ITSN1: variants seen among roughly 807,000 people sequenced by gnomAD.
ITSN1 encodes intersectin 1.
Under a neutral mutation model 239.8 loss-of-function variants are expected in ITSN1, and 58 were observed. That is an observed-to-expected ratio of 0.24 (90% CI 0.20 to 0.30). The LOEUF (loss-of-function observed/expected upper bound fraction) is 0.30. ITSN1 is among the 10% of genes least tolerant of loss of function. The pLI is 1.00. For synonymous variants in ITSN1, 780 were observed against 770.8 expected (o/e 1.01, Z -0.20); for missense variants, 1,558 against 2,103.3 (o/e 0.74, Z 5.07).
chr21:33,817,934 C>T (rs1019341288), intron 22 of ITSN1: 47 of 345,204 alleles, frequency 1.4e-4, no homozygotes, highest in African/African-American at 9.0e-4. Context: ...TCCCGGGCAA[C>T]TTGAGAGTGA....
intron 1 of ITSN1, among the ~76,000 whole-genome samples, chr21:33,698,228 A>C (rs1246149834): frequency 2.0e-5 from 3 of 152,166 alleles, no homozygotes; most frequent in Non-Finnish European, 4.4e-5. Context: ...TAAAGGGACA[A>C]ATCGTCCGAA....
At chr21:33,658,126 T>C (rs2089247036) in intron 1 of ITSN1, among the ~76,000 whole-genome samples, 1 of 152,216 alleles carries the variant, frequency 6.6e-6, no homozygotes, top group Admixed American at 6.5e-5. Flanking sequence ...ATTCTTACAA[T>C]AAACTAGAGA....
At position 33,889,559 on chromosome 21, in the gene ITSN1, G is replaced by C. The variant is rs1215266719; in HGVS notation, c.*1259G>C. On this transcript the variant is annotated 3_prime_UTR_variant, in exon 40 of 40. Transcript: ENST00000381318. ...CCCTTAAATGCCAGGAGATCATCTG[G>C]TTAGTTAGATAGTAACTTGATTTGC... is the stretch of plus-strand genomic sequence containing the variant. 1 of 152,104 alleles carries C rather than the reference G, an allele frequency of 6.6e-6. No individual in the cohort carries two copies. The highest frequency in any genetic ancestry group is 1.5e-5 in the Non-Finnish European group (1 of 68,036). 9.4% of individuals were successfully genotyped at this position (152,104 alleles called of 1,614,324 possible).
At chr21:33,759,451 G>A (rs1040876273) in intron 8 of ITSN1, among the ~76,000 whole-genome samples, 7 of 152,168 alleles carry the variant, frequency 4.6e-5, no homozygotes, top group African/African-American at 1.7e-4. Context: ...ATGTGTAATA[G>A]ATAAAATATT....
At chr21:33,877,084 C>T (rs1262919315) in intron 34 of ITSN1, among the ~76,000 whole-genome samples, 3 of 21,956 alleles carry the variant, frequency 1.4e-4, no homozygotes, top group African/African-American at 9.4e-4. Context: ...AATGGAGTCT[C>T]GCTCTGTCAC....
At chr21:33,661,886 C>A (rs1321550694) in intron 1 of ITSN1, among the ~76,000 whole-genome samples, 7 of 151,830 alleles carry the variant, frequency 4.6e-5, no homozygotes, top group Admixed American at 1.3e-4. Flanking sequence ...AACTGTGAGT[C>A]CATTAAACCT....
intron 1 of ITSN1, among the ~76,000 whole-genome samples, chr21:33,668,240 G>A (rs2090046988): frequency 6.6e-6 from 1 of 152,156 alleles, no homozygotes; most frequent in South Asian, 2.1e-4. Flanking sequence ...GAGGGAGATG[G>A]TATTCAAAAG....
chr21:33,836,933 G>T (rs2074635038), intron 29 of ITSN1: 2 of 1,406,432 alleles, frequency 1.4e-6, no homozygotes, highest in Non-Finnish European at 2.0e-6. Flanking sequence ...TTCCTAGCTT[G>T]AATTTTGCTC....
chr21:33,714,628 CTA>C (rs2065035512), intron 1 of ITSN1, among the ~76,000 whole-genome samples: 1 of 198 alleles, frequency 5.1e-3, no homozygotes. Flanking sequence ...ATTATTATAT[CTA>C]TATCTATATC....
At chr21:33,836,760 G>A (rs977907827) in intron 29 of ITSN1, 128 bp downstream of exon 29, 10 of 826,044 alleles carry the variant, frequency 1.2e-5, no homozygotes, top group African/African-American at 5.2e-5. Context: ...ATTCGCAGTC[G>A]TCTCTTTGAA....
At chr21:33,668,244 T>G (rs2146339859) in intron 1 of ITSN1, among the ~76,000 whole-genome samples, 1 of 152,308 alleles carries the variant, frequency 6.6e-6, no homozygotes, top group East Asian at 1.9e-4. Flanking sequence ...GAGATGGTAT[T>G]CAAAAGATAA....
chr21:33,884,817 C>T (rs1010626079), intron 36 of ITSN1, among the ~76,000 whole-genome samples: 4 of 152,304 alleles, frequency 2.6e-5, no homozygotes, highest in Non-Finnish European at 4.4e-5. Flanking sequence ...GGGACATCAT[C>T]GCAGGTCTTG....
In ITSN1 at chr21:33,754,219, C is replaced by T. The variant is rs541542359; in HGVS notation, c.624-1078C>T. On this transcript the variant is annotated intron_variant, in intron 7 of 39. Transcript: ENST00000381318. ...CAGAAGTACCCACAGCAGAATAGAT[C>T]ATGGTAAGTGTTTTTTATTAAGAAA... 15 of 152,026 alleles carry T rather than the reference C, an allele frequency of 9.9e-5. No homozygotes were observed. In the East Asian group the frequency reaches 2.9e-3, roughly 29 times the overall value. The allele number at this position is 152,026 out of a possible 1,614,324, so 9.4% of individuals were successfully genotyped here. A position where few individuals can be genotyped will look rare whatever the true frequency, so the allele number is the denominator to read the frequency against.
intron 33 of ITSN1, among the ~76,000 whole-genome samples, chr21:33,873,754 C>T (rs1359095622): frequency 6.6e-6 from 1 of 152,096 alleles, no homozygotes; most frequent in Non-Finnish European, 1.5e-5. Flanking sequence ...CACCTGTTGT[C>T]CCAGCTACTC....
At position 33,868,756 on chromosome 21, in the gene ITSN1, G is replaced by A. The variant is rs953016888; in HGVS notation, c.4173+1425G>A. Among the ~76,000 whole-genome samples the A allele has an allele frequency of 2.0e-5, 3 of 152,134 alleles. No homozygotes were observed. In the South Asian group the frequency reaches 6.2e-4, roughly 32 times the overall value. ...GCTTCGGCCTTGGCCAGCCCAGAAG[G>A]GGGCTCCCAGAGTGCAGTGGTGGGC... On this transcript the variant is annotated intron_variant, in intron 33 of 39. Coordinates refer to ENST00000381318, the MANE Select transcript of ITSN1 (RefSeq NM_003024.3).
At chr21:33,717,605 G>C (rs2065228766) in intron 1 of ITSN1, among the ~76,000 whole-genome samples, 1 of 152,042 alleles carries the variant, frequency 6.6e-6, no homozygotes. Flanking sequence ...ACCCAGGCTG[G>C]AGTGCAGGGG....
At chr21:33,850,363 G>A (rs572263193) in intron 29 of ITSN1, among the ~76,000 whole-genome samples, 12 of 152,362 alleles carry the variant, frequency 7.9e-5, no homozygotes, top group Admixed American at 1.3e-4. Flanking sequence ...ACCCACGAGG[G>A]TCTCTGGTGC....
At chr21:33,724,498 A>G (rs775845534) in intron 4 of ITSN1, among the ~76,000 whole-genome samples, 14 of 152,230 alleles carry the variant, frequency 9.2e-5, no homozygotes, top group Non-Finnish European at 1.9e-4. Context: ...ATACATGATC[A>G]TGTCTCATAC....
rs115193697 is a variant in ITSN1 at position 33,740,997 on chromosome 21, A to G, written c.346+5793A>G. 3.2e-3 allele frequency among the ~76,000 whole-genome samples: 483 copies of G among 152,300 alleles called. 5 individuals carry two copies. Among genetic ancestry groups the G allele is most frequent in the African/African-American group, 9.2e-3 (383 of 41,574 alleles). On this transcript the variant is annotated intron_variant, in intron 5 of 39. Coordinates refer to ENST00000381318, the MANE Select transcript of ITSN1 (RefSeq NM_003024.3). ...ATTATGTAAGAGAAGATTTCTAACA[A>G]ATTTGGAAGCTTAAAAGATGCTTTT... is the stretch of plus-strand genomic sequence containing the variant.
Sources: gnomAD v4.1 joint callset for allele counts (sites outside exome capture counted in the v4.1 genomes callset) on GRCh38, gnomAD v4.1.1 for gene constraint, MANE v1.5 for transcripts, NCBI Gene and HGNC (gene_info 2026-07-23, HGNC 2026-07-21) for gene names.